Variants in PREX1 observed in about 807,000 individuals in gnomAD.
PREX1 encodes the protein phosphatidylinositol 3,4,5-trisphosphate-dependent Rac exchanger 1 protein.
In PREX1, 41 loss-of-function variants were observed where a neutral mutation model predicts 198.3. The ratio of observed to expected loss-of-function variants is 0.21; its 90% CI spans 0.16 to 0.27. The LOEUF (loss-of-function observed/expected upper bound fraction) is 0.27, where lower values mean the gene tolerates loss of function less well. Ranked by LOEUF, PREX1 falls within the 10% of genes least tolerant of loss-of-function variation. PREX1 has a pLI of 1.00. For synonymous variants in PREX1, 843 were observed against 887.2 expected, an observed-to-expected ratio of 0.95 and a Z score of 0.89; for missense variants, 1,620 against 2,200.7, an observed-to-expected ratio of 0.74 and a Z score of 5.28.
chr20:48,642,339 T>G, intron 28 of PREX1, 68 bp downstream of exon 28: 5 of 1,603,852 alleles, frequency 3.1e-6, no homozygotes, highest in Non-Finnish European at 4.3e-6. Context: ...AGCCCCCGGG[T>G]CATGGGCCCT....
intron 11 of PREX1, among the ~76,000 whole-genome samples, chr20:48,680,835 A>G (rs1304056431): frequency 1.3e-5 from 2 of 152,198 alleles, no homozygotes; most frequent in African/African-American, 4.8e-5. Flanking sequence ...ATAAGCAAGT[A>G]AAGATCTTAT....
chr20:48,684,556 G>A lies in PREX1; in HGVS notation c.1335-3221C>T, dbSNP rs2089773169. 6.6e-6 allele frequency among the ~76,000 whole-genome samples: 1 copy of A among 152,202 alleles called. No homozygotes were observed. The highest frequency in any genetic ancestry group is 1.5e-5 in the Non-Finnish European group (1 of 68,036). ...GAACAGCATCTAATCTCTGCCAAGG[G>A]TGAAACCCAAGGCCTTCGTCCAGGA... On this transcript the variant is annotated intron_variant, in intron 10 of 39. Transcript: ENST00000371941. The surrounding 1 kb of genome is among the most constrained non-coding windows in gnomAD (Gnocchi z 4.2).
At position 48,661,128 on chromosome 20, in the gene PREX1, T is replaced by C. The variant is rs551966264; in HGVS notation, c.1739-1067A>G. Among the ~76,000 whole-genome samples the C allele has an allele frequency of 4.6e-5, 7 of 152,210 alleles. No homozygotes were observed. The South Asian group carries it at 1.5e-3, about 32-fold the overall frequency. On this transcript the variant is annotated intron_variant, in intron 15 of 39. Transcript: ENST00000371941. ...AAGTGGCCCTTTACATAAAAAAATA[T>C]ACTGACGCCGGCCAGAGGCGGTGGC...
intron 4 of PREX1, 66 bp from the exon 5 acceptor site, chr20:48,726,457 A>G: frequency 8.9e-7 from 1 of 1,128,112 alleles, no homozygotes; most frequent in South Asian, 1.3e-5. Flanking sequence ...GCCACCCTCA[A>G]CCATGAGAAA....
chr20:48,867,272 A>C, the PREX1 span, among the ~76,000 whole-genome samples: 1 of 152,202 alleles, frequency 6.6e-6, no homozygotes, highest in African/African-American at 2.4e-5. Context: ...AACAGGTGGG[A>C]AAATAGAGGC....
intron 39 of PREX1, among the ~76,000 whole-genome samples, chr20:48,626,349 A>G (rs2089272398): frequency 6.6e-6 from 1 of 152,230 alleles, no homozygotes; most frequent in Admixed American, 6.5e-5. Flanking sequence ...CAGGGCAAGC[A>G]GACTGCAATG....
chr20:48,887,766 G>A, the PREX1 span, among the ~76,000 whole-genome samples: 2 of 152,246 alleles, frequency 1.3e-5, no homozygotes, highest in East Asian at 3.9e-4. Flanking sequence ...CTAACACAGC[G>A]AAACCCCGTC....
chr20:48,867,710 A>G, the PREX1 span, among the ~76,000 whole-genome samples: 83 of 71,228 alleles, frequency 1.2e-3, no homozygotes, highest in African/African-American at 2.8e-3. Context: ...CAGGAGAATC[A>G]CTTGAACCGG....
intron 24 of PREX1, among the ~76,000 whole-genome samples, 178 bp from the exon 25 acceptor site, chr20:48,649,754 C>T (rs560218963): frequency 2.4e-4 from 37 of 152,348 alleles, no homozygotes; most frequent in Non-Finnish European, 3.7e-4. Flanking sequence ...TGCTAACATG[C>T]TTTTAACTAC....
rs992527057 is a variant in PREX1, at chr20:48,817,284, C to A, written c.219+10358G>T. On this transcript the variant is annotated intron_variant, in intron 1 of 39. Transcript: ENST00000371941. ...TACTCCCAACTGCCTTCAGAGTGCA[C>A]AGACCAATGTCCAGGGCAAGGGACC... 5.9e-5 allele frequency among the ~76,000 whole-genome samples: 9 copies of A among 152,342 alleles called. No individual in the cohort carries two copies. The East Asian group carries it at 1.7e-3, about 29-fold the overall frequency.
chr20:48,869,690 T>G, the PREX1 span, among the ~76,000 whole-genome samples: 1 of 152,208 alleles, frequency 6.6e-6, no homozygotes, highest in African/African-American at 2.4e-5. Context: ...TCATGTCCTT[T>G]GCAGGGACAT....
intron 1 of PREX1, among the ~76,000 whole-genome samples, chr20:48,823,368 C>T (rs1281982569): frequency 4.6e-5 from 7 of 152,162 alleles, no homozygotes; most frequent in African/African-American, 1.7e-4. Context: ...CAGGTGGGCC[C>T]AAGGTCTACT....
intron 1 of PREX1, among the ~76,000 whole-genome samples, chr20:48,767,079 A>G (rs2090211969): frequency 6.6e-6 from 1 of 152,118 alleles, no homozygotes; most frequent in Admixed American, 6.5e-5. Flanking sequence ...TCGCTGTGGG[A>G]CCCTGAGAAA....
chr20:48,766,120 A>G (rs867751454), intron 1 of PREX1, among the ~76,000 whole-genome samples: 3 of 152,180 alleles, frequency 2.0e-5, no homozygotes, highest in South Asian at 4.1e-4. Flanking sequence ...CTGATTCTAC[A>G]TTATGGTGAG....
chr20:48,637,583 T>G, intron 31 of PREX1, 128 bp downstream of exon 31: 1 of 954,614 alleles, frequency 1.0e-6, no homozygotes, highest in South Asian at 2.0e-5. Flanking sequence ...AAGTTTCAAG[T>G]AGCTCTTGGA....
chr20:48,794,979 T>C (rs2090354545), intron 1 of PREX1, among the ~76,000 whole-genome samples: 1 of 152,186 alleles, frequency 6.6e-6, no homozygotes, highest in Non-Finnish European at 1.5e-5. Context: ...AACCCTCACA[T>C]GTCAACTATT....
intron 15 of PREX1, among the ~76,000 whole-genome samples, chr20:48,665,167 ATTATAATCCTAACTCCAGACGGCCTGAG>A (rs1568812590): frequency 6.7e-6 from 1 of 149,204 alleles, no homozygotes; most frequent in East Asian, 2.0e-4. Context: ...GACGGCCTGA[ATTATAATCCTAACTCCAGACGGCCTGAG>A]TTCTAATCCT....
In PREX1 at chr20:48,691,009, T is replaced by C. The variant is rs1323974490; in HGVS notation, c.1124A>G (p.Lys375Arg). 6.2e-7 allele frequency: 1 copy of C among 1,614,248 alleles called. No individual in the cohort carries two copies. Among genetic ancestry groups the C allele is most frequent in the Admixed American group, 1.7e-5 (1 of 60,032 alleles). The change falls in exon 9 of 40, where the codon AAG becomes AGG. Residue 375 changes from lysine to arginine, a missense_variant. Transcript: ENST00000371941. This position sits in a 1 kb window ranked among gnomAD's most constrained non-coding sequence, Gnocchi z 5.0. Reference sequence around the variant, plus strand: ...CCACTTCTGCTTCTCCTCTGCCGTCTTGGCCATGCAGACAAACCACTTATT... The same window carrying C: ...CCACTTCTGCTTCTCCTCTGCCGTCCTGGCCATGCAGACAAACCACTTATT... ...AKNKWFVCMAKTAEEKQKWLD... is the reference protein window; with the variant it reads ...AKNKWFVCMARTAEEKQKWLD...
intron 11 of PREX1, among the ~76,000 whole-genome samples, chr20:48,680,139 G>A (rs2089739761): frequency 6.6e-6 from 1 of 152,122 alleles, no homozygotes; most frequent in South Asian, 2.1e-4. Context: ...AGCATGCTGG[G>A]GCCTGAGACC....
Sources: allele counts gnomAD v4.1 joint callset (sites outside exome capture counted in the v4.1 genomes callset), GRCh38; gene constraint gnomAD v4.1.1; non-coding constraint Gnocchi (gnomAD v3.1); transcripts MANE v1.5; gene names NCBI Gene and HGNC (gene_info 2026-07-23, HGNC 2026-07-21).